EFCAB5: variants seen among roughly 807,000 people sequenced by gnomAD.
EFCAB5 encodes EF-hand calcium-binding domain-containing protein 5.
In EFCAB5, 131 loss-of-function variants were observed where a neutral mutation model predicts 167.9. The observed-to-expected ratio is 0.78, with a 90% CI of 0.68 to 0.90. The LOEUF (loss-of-function observed/expected upper bound fraction) is 0.90, where lower values mean the gene tolerates loss of function less well. EFCAB5 is among the 40% of genes least tolerant of loss of function. EFCAB5 has a pLI of 0.00. For missense variants in EFCAB5, 1,663 were observed against 1,745.2 expected (o/e 0.95, Z 0.84); for synonymous variants, 574 against 602.8 (o/e 0.95, Z 0.70).
chr17:29,989,080 C>T (rs924172783), intron 4 of EFCAB5, among the ~76,000 whole-genome samples: 4 of 152,134 alleles, frequency 2.6e-5, no homozygotes, highest in African/African-American at 4.8e-5. Flanking sequence ...TAGAGCAGGT[C>T]GTATCCAATT....
At chr17:29,938,568 G>T (rs564271343), upstream of EFCAB5, among the ~76,000 whole-genome samples, 3 of 152,196 alleles carry the variant, frequency 2.0e-5, no homozygotes, top group Admixed American at 6.5e-5. Context: ...TTCAAAATTA[G>T]TCAGTCCTGT....
In EFCAB5 at chr17:30,092,949, T is replaced by A. The variant is rs766064815; in HGVS notation, c.4321+13T>A. The A allele has an allele frequency of 1.3e-6, 2 of 1,584,534 alleles. No individual in the cohort carries two copies. Among genetic ancestry groups the A allele is most frequent in the South Asian group, 2.3e-5 (2 of 87,746 alleles). On this transcript the variant is annotated intron_variant, in intron 22 of 22. Transcript: ENST00000394835. ...GAATATATCAGAGGTAAATTTCCAC[T>A]TAATTACAGCCTAAATCTATGCCAA...
chr17:30,053,818 T>G lies in EFCAB5; in HGVS notation c.1864T>G (p.Ser622Ala). 6.2e-7 allele frequency: 1 copy of G among 1,613,496 alleles called. No individual in the cohort carries two copies. The highest frequency in any genetic ancestry group is 8.5e-7 in the Non-Finnish European group (1 of 1,179,776). ...TGCAGAACAAGATCGACACAAAGGG[T>G]CAGTAGCAGAACAAGGATCACGCAG... Reference protein sequence around the residue: ...SIAEQDRHKGSVAEQGSRRMS... With the variant: ...SIAEQDRHKGAVAEQGSRRMS... Residue 622 changes from serine (S) to alanine (A), a missense_variant, in exon 10 of 23, where the codon TCA becomes GCA. Coordinates refer to ENST00000394835, the MANE Select transcript of EFCAB5 (RefSeq NM_198529.4).
intron 3 of EFCAB5, among the ~76,000 whole-genome samples, chr17:29,953,982 C>T (rs930019592): frequency 1.3e-5 from 2 of 152,290 alleles, no homozygotes; most frequent in East Asian, 3.9e-4. Flanking sequence ...CAGCATTTTG[C>T]CCCTGCCCTA....
At chr17:30,060,714 C>T (rs1396665653) in intron 14 of EFCAB5, among the ~76,000 whole-genome samples, 1 of 152,200 alleles carries the variant, frequency 6.6e-6, no homozygotes, top group African/African-American at 2.4e-5. Flanking sequence ...TACTACCTGG[C>T]ATGTCTTAGG....
intron 15 of EFCAB5, among the ~76,000 whole-genome samples, chr17:30,079,328 T>C (rs1366103849): frequency 6.6e-6 from 1 of 151,942 alleles, no homozygotes; most frequent in Admixed American, 6.6e-5. Context: ...AATGACTCCA[T>C]AGATCTTGTA....
intron 22 of EFCAB5, among the ~76,000 whole-genome samples, chr17:30,098,732 G>T (rs2071339814): frequency 6.6e-6 from 1 of 152,068 alleles, no homozygotes; most frequent in South Asian, 2.1e-4. Context: ...ATCCCAGATT[G>T]TGCAGTTATC....
intron 22 of EFCAB5, among the ~76,000 whole-genome samples, chr17:30,101,708 G>A (rs2071384944): frequency 6.6e-6 from 1 of 152,170 alleles, no homozygotes; most frequent in Non-Finnish European, 1.5e-5. Context: ...TGCCACAAAG[G>A]GGAGCAAAGA....
chr17:30,033,626 G>A (rs927685785), intron 7 of EFCAB5, among the ~76,000 whole-genome samples: 24 of 152,252 alleles, frequency 1.6e-4, no homozygotes, highest in Admixed American at 1.1e-3. Flanking sequence ...AAAATATTCA[G>A]GTGCATTAAT....
At chr17:29,983,044 A>G (rs1008774788) in intron 4 of EFCAB5, among the ~76,000 whole-genome samples, 6 of 152,242 alleles carry the variant, frequency 3.9e-5, no homozygotes, top group African/African-American at 1.2e-4. Flanking sequence ...GCTTAAAGCA[A>G]TAGAATTTAT....
chr17:30,068,121 C>T (rs914243566), intron 14 of EFCAB5, among the ~76,000 whole-genome samples: 2 of 152,034 alleles, frequency 1.3e-5, no homozygotes, highest in Non-Finnish European at 2.9e-5. Flanking sequence ...CTGGCTAACA[C>T]GGTGAAACCC....
At chr17:30,059,279 T>G in intron 13 of EFCAB5, 1 of 234,724 alleles carries the variant, frequency 4.3e-6, no homozygotes. Flanking sequence ...AAAAAATTTT[T>G]TTTAAGACTG....
At chr17:29,997,892 G>A (rs1378682699) in intron 6 of EFCAB5, among the ~76,000 whole-genome samples, 1 of 151,364 alleles carries the variant, frequency 6.6e-6, no homozygotes, top group African/African-American at 2.4e-5. Context: ...CACAGATTTT[G>A]GTGCTTTTGT....
intron 9 of EFCAB5, among the ~76,000 whole-genome samples, chr17:30,051,697 A>G (rs2070102655): frequency 1.3e-5 from 2 of 152,222 alleles, no homozygotes; most frequent in South Asian, 2.1e-4. Flanking sequence ...AGCTGGGACT[A>G]CAGGTGTGCA....
chr17:30,011,525 CT>C (rs1404812673), intron 7 of EFCAB5, among the ~76,000 whole-genome samples: 1 of 152,108 alleles, frequency 6.6e-6, no homozygotes, highest in Non-Finnish European at 1.5e-5. Context: ...CTTCACATCC[CT>C]TGTAAGTTGG....
intron 1 of EFCAB5, 33 bp downstream of exon 1, chr17:29,941,871 G>A (rs1409807505): frequency 1.3e-6 from 2 of 1,577,308 alleles, no homozygotes; most frequent in Non-Finnish European, 1.7e-6. Flanking sequence ...TCACATTTAT[G>A]GGAAGATTTG....
chr17:29,997,243 TAA>T (rs1180178203), intron 6 of EFCAB5, among the ~76,000 whole-genome samples: 27 of 130,700 alleles, frequency 2.1e-4, no homozygotes, highest in Non-Finnish European at 1.6e-4. Context: ...AGACTCCTTC[TAA>T]AAAAAAAAAA....
intron 6 of EFCAB5, among the ~76,000 whole-genome samples, chr17:29,997,255 A>AAAG (rs1555554987): frequency 4.6e-5 from 7 of 151,978 alleles, no homozygotes; most frequent in African/African-American, 1.4e-4. Context: ...AAAAAAAAAA[A>AAAG]AAAGAAAGAA....
chr17:29,995,971 GT>G (rs2068534355), intron 5 of EFCAB5, among the ~76,000 whole-genome samples: 1 of 152,134 alleles, frequency 6.6e-6, no homozygotes, highest in African/African-American at 2.4e-5. Flanking sequence ...CAGAATTCAT[GT>G]TGCTCTAATA....
Sources: gnomAD v4.1 joint callset for allele counts (sites outside exome capture counted in the v4.1 genomes callset) on GRCh38, gnomAD v4.1.1 for gene constraint, MANE v1.5 for transcripts, NCBI Gene and HGNC (gene_info 2026-07-23, HGNC 2026-07-21) for gene names.